L3MBTL4: variants seen among roughly 807,000 people sequenced by gnomAD.
L3MBTL4 encodes the protein lethal(3)malignant brain tumor-like protein 4.
In L3MBTL4, 70 loss-of-function variants were observed where a neutral mutation model predicts 84.5. That is an observed-to-expected ratio of 0.83 (90% CI 0.68 to 1.01). The LOEUF (loss-of-function observed/expected upper bound fraction) is 1.01. Ranked by LOEUF, L3MBTL4 falls within the 50% of genes least tolerant of loss-of-function variation. The probability of loss-of-function intolerance (pLI) is 0.00; values close to 1 mark genes in which losing one functional copy is unlikely to be tolerated. For synonymous variants in L3MBTL4, 274 were observed against 259.8 expected (o/e 1.05, Z -0.52); for missense variants, 715 against 754.8 (o/e 0.95, Z 0.62).
At chr18:6,048,416 A>G (rs1044082987) in intron 16 of L3MBTL4, among the ~76,000 whole-genome samples, 1 of 152,200 alleles carries the variant, frequency 6.6e-6, no homozygotes, top group Non-Finnish European at 1.5e-5. Flanking sequence ...AAATAGCCCA[A>G]ATAGCCAGAG....
At chr18:5,976,407 G>T (rs918364826) in intron 16 of L3MBTL4, among the ~76,000 whole-genome samples, 2 of 152,214 alleles carry the variant, frequency 1.3e-5, no homozygotes, top group African/African-American at 2.4e-5. Context: ...CTGGGATGGT[G>T]TGTGTCCAGA....
At chr18:6,185,503 T>A (rs1417788234) in intron 12 of L3MBTL4, among the ~76,000 whole-genome samples, 1 of 152,094 alleles carries the variant, frequency 6.6e-6, no homozygotes, top group Non-Finnish European at 1.5e-5. Flanking sequence ...GTGGCTGAAG[T>A]CCCACCGGAG....
intron 5 of L3MBTL4, chr18:6,259,141 A>AT (rs1394652412): frequency 2.0e-5 from 3 of 152,198 alleles, no homozygotes; most frequent in Non-Finnish European, 4.4e-5. Context: ...GGAAAATTGC[A>AT]TAATTTGTTT....
At chr18:6,343,794 C>A (rs1408476290) in intron 1 of L3MBTL4, among the ~76,000 whole-genome samples, 1 of 151,604 alleles carries the variant, frequency 6.6e-6, no homozygotes, top group Non-Finnish European at 1.5e-5. Context: ...CAACATGCTC[C>A]TGAATAACCA....
intron 5 of L3MBTL4, among the ~76,000 whole-genome samples, chr18:6,262,636 G>T (rs1479122615): frequency 1.3e-5 from 2 of 152,080 alleles, no homozygotes; most frequent in East Asian, 3.9e-4. Context: ...TAGGTCTCAG[G>T]AAGACCCACG....
chr18:6,043,965 A>T (rs1034532219), intron 16 of L3MBTL4, among the ~76,000 whole-genome samples: 3 of 152,204 alleles, frequency 2.0e-5, no homozygotes, highest in Non-Finnish European at 4.4e-5. Flanking sequence ...AGTTTGGTTG[A>T]CTGTCTGAAA....
intron 1 of L3MBTL4, among the ~76,000 whole-genome samples, chr18:6,368,364 C>G (rs1172057853): frequency 6.6e-6 from 1 of 152,176 alleles, no homozygotes; most frequent in Admixed American, 6.5e-5. Flanking sequence ...CCACTCACTT[C>G]CCTAAAGAAG....
chr18:6,225,280 G>T (rs1010383495), intron 10 of L3MBTL4, among the ~76,000 whole-genome samples: 3 of 152,216 alleles, frequency 2.0e-5, no homozygotes, highest in East Asian at 1.9e-4. Context: ...TGGGTAAAAA[G>T]AAATCAGCTT....
At chr18:6,323,077 T>C (rs956379488) in intron 1 of L3MBTL4, among the ~76,000 whole-genome samples, 1 of 152,218 alleles carries the variant, frequency 6.6e-6, no homozygotes, top group African/African-American at 2.4e-5. Flanking sequence ...TAATGCCTGC[T>C]TCTCCTTTGT....
chr18:6,341,393 C>A (rs2052602419), intron 1 of L3MBTL4, among the ~76,000 whole-genome samples: 1 of 151,828 alleles, frequency 6.6e-6, no homozygotes, highest in Non-Finnish European at 1.5e-5. Flanking sequence ...ATAAGGGAAA[C>A]AATGCATATG....
At chr18:6,019,299 A>G (rs2055141369) in intron 16 of L3MBTL4, among the ~76,000 whole-genome samples, 1 of 152,186 alleles carries the variant, frequency 6.6e-6, no homozygotes, top group African/African-American at 2.4e-5. Context: ...AGTGCAAATA[A>G]TTCCCTAAGT....
At chr18:6,273,485 T>C (rs2048956426) in intron 4 of L3MBTL4, among the ~76,000 whole-genome samples, 1 of 147,082 alleles carries the variant, frequency 6.8e-6, no homozygotes, top group Admixed American at 6.8e-5. Flanking sequence ...GGACTGAATA[T>C]AAGGAATACA....
chr18:6,215,485 A>G (rs565285195), intron 11 of L3MBTL4, among the ~76,000 whole-genome samples: 1 of 152,350 alleles, frequency 6.6e-6, no homozygotes, highest in East Asian at 1.9e-4. Flanking sequence ...GGAATGGATC[A>G]TCAGCAGTTG....
At position 6,071,100 on chromosome 18, in the gene L3MBTL4, G is replaced by A. The variant is rs114252872; in HGVS notation, c.1444+9781C>T. ...AAAATAGAAAACAATTATAGAGATG[G>A]TAGCAATAGGCTGGACACAGTGGCT... On this transcript the variant is annotated intron_variant, in intron 16 of 18. Coordinates refer to ENST00000317931, the MANE Select transcript of L3MBTL4 (RefSeq NM_001330559.2). Among the ~76,000 whole-genome samples the A allele has an allele frequency of 6.3e-3, 960 of 152,120 alleles. 8 individuals carry two copies. Among genetic ancestry groups the A allele is most frequent in the African/African-American group, 0.021 (877 of 41,500 alleles).
At chr18:5,962,610 A>T (rs1271716882) in intron 17 of L3MBTL4, among the ~76,000 whole-genome samples, 1 of 152,166 alleles carries the variant, frequency 6.6e-6, no homozygotes, top group Admixed American at 6.5e-5. Flanking sequence ...CACACAGATG[A>T]TAAATTAATG....
chr18:6,261,972 G>A (rs11873114), intron 5 of L3MBTL4, among the ~76,000 whole-genome samples: 34,542 of 152,014 alleles, frequency 0.23, 4,518 homozygotes, highest in East Asian at 0.42. Context: ...CGGCAGAGTG[G>A]GGGGGTGGGG....
chr18:6,284,774 A>G (rs2049487854), intron 4 of L3MBTL4, among the ~76,000 whole-genome samples: 1 of 152,182 alleles, frequency 6.6e-6, no homozygotes, highest in South Asian at 2.1e-4. Flanking sequence ...CAACAGAGCA[A>G]GGTGGGAGGA....
At chr18:6,399,975 T>C (rs1244354562) in intron 1 of L3MBTL4, 1 of 152,092 alleles carries the variant, frequency 6.6e-6, no homozygotes, top group Non-Finnish European at 1.5e-5. Context: ...AATCACTGTG[T>C]AGCAATATCA....
At chr18:6,333,378 T>C (rs2052145780) in intron 1 of L3MBTL4, among the ~76,000 whole-genome samples, 1 of 152,062 alleles carries the variant, frequency 6.6e-6, no homozygotes, top group Non-Finnish European at 1.5e-5. Context: ...ATCGAGACCA[T>C]CCTGGCCAAC....
Sources: gnomAD v4.1 joint callset for allele counts (sites outside exome capture counted in the v4.1 genomes callset) on GRCh38, gnomAD v4.1.1 for gene constraint, MANE v1.5 for transcripts, NCBI Gene and HGNC (gene_info 2026-07-23, HGNC 2026-07-21) for gene names.